Variants in SIPA1L3 observed in about 807,000 individuals in gnomAD.
SIPA1L3 encodes signal induced proliferation associated 1 like 3.
A neutral mutation model predicts 150.1 loss-of-function variants in SIPA1L3; 59 were observed. The observed-to-expected ratio is 0.39, with a 90% CI of 0.32 to 0.49. The LOEUF is 0.49. Among genes scored for constraint, SIPA1L3 ranks in the 20% least tolerant of loss-of-function variants. The probability of loss-of-function intolerance (pLI) is 0.86; values close to 1 mark genes in which losing one functional copy is unlikely to be tolerated. For synonymous variants in SIPA1L3, 1,070 were observed against 1,077.6 expected, an observed-to-expected ratio of 0.99 and a Z score of 0.14; for missense variants, 2,211 against 2,489.5, an observed-to-expected ratio of 0.89 and a Z score of 2.38.
chr19:37,951,234 TC>T (rs770688726), intron 1 of SIPA1L3, among the ~76,000 whole-genome samples: 1 of 152,244 alleles, frequency 6.6e-6, no homozygotes, highest in Non-Finnish European at 1.5e-5. Flanking sequence ...CAGAGATTCT[TC>T]TTAGGAAATA....
chr19:38,040,684 A>C (rs952679017), intron 2 of SIPA1L3, among the ~76,000 whole-genome samples: 1 of 152,212 alleles, frequency 6.6e-6, no homozygotes, highest in Non-Finnish European at 1.5e-5. Flanking sequence ...TCAAAATTCT[A>C]GTTGAAATGC....
chr19:38,022,883 G>A (rs1968408757), intron 1 of SIPA1L3, among the ~76,000 whole-genome samples: 1 of 152,232 alleles, frequency 6.6e-6, no homozygotes, highest in Non-Finnish European at 1.5e-5. Context: ...GTGAAGTGAA[G>A]TTTGTCACTG....
chr19:37,984,093 A>T (rs994373926), intron 1 of SIPA1L3, among the ~76,000 whole-genome samples: 8 of 152,114 alleles, frequency 5.3e-5, no homozygotes, highest in African/African-American at 1.9e-4. Context: ...GAGAACAATG[A>T]GGCACTTTTT....
chr19:38,119,603 T>C lies in SIPA1L3; in HGVS notation c.2589T>C (p.Ala863=). 2.5e-6 allele frequency: 4 copies of C among 1,614,182 alleles called. No individual in the cohort carries two copies. The highest frequency in any genetic ancestry group is 3.4e-6 in the Non-Finnish European group (4 of 1,180,036). The change falls in exon 9 of 22, where the codon GCT becomes GCC. Residue 863 remains alanine, a synonymous_variant. Transcript: ENST00000222345. ...KKEKTKARAG[A]EQHSAGAIAW... ...AAAAGACAAAAGCACGGGCTGGCGC[T>C]GAGCAGCACAGTGCAGGGGCCATCG...
chr19:38,054,556 G>A (rs145040926), intron 2 of SIPA1L3, among the ~76,000 whole-genome samples: 346 of 152,232 alleles, frequency 2.3e-3, no homozygotes, highest in African/African-American at 8.1e-3. Flanking sequence ...CCGAGATCGC[G>A]CCACCGCACT....
intron 10 of SIPA1L3, among the ~76,000 whole-genome samples, chr19:38,131,462 T>C (rs945995838): frequency 7.9e-5 from 12 of 152,134 alleles, no homozygotes; most frequent in Admixed American, 7.9e-4. Context: ...GGGAGGCCCA[T>C]GTGGCTGGAG....
chr19:37,975,309 T>C (rs1967048053), intron 1 of SIPA1L3, among the ~76,000 whole-genome samples: 1 of 152,082 alleles, frequency 6.6e-6, no homozygotes, highest in Non-Finnish European at 1.5e-5. Context: ...AAGGAGGGCT[T>C]CCCGAGGAGG....
chr19:38,142,382 G>A (rs536991800), intron 11 of SIPA1L3, among the ~76,000 whole-genome samples, 191 bp from the exon 12 acceptor site: 111 of 152,264 alleles, frequency 7.3e-4, no homozygotes, highest in Non-Finnish European at 1.2e-3. Flanking sequence ...AGCTTCTCTC[G>A]CCCTGTGCTC....
rs1193095304 is a variant in SIPA1L3, at chr19:38,082,318, G to C, written c.753G>C (p.Met251Ile). 6.3e-6 allele frequency: 10 copies of C among 1,598,616 alleles called. No homozygotes were observed. Among genetic ancestry groups the C allele is most frequent in the Non-Finnish European group, 8.5e-6 (10 of 1,178,962 alleles). Reference sequence around the variant, plus strand: ...GGGCAGATCCTGGCCCACACCTCATGGGGGGCGGCGGCGGAGCCAAGGGGG... The same window carrying C: ...GGGCAGATCCTGGCCCACACCTCATCGGGGGCGGCGGCGGAGCCAAGGGGG... ...LLRADPGPHL[M>I]GGGGGAKGDS... Residue 251 changes from methionine (M) to isoleucine (I), a missense_variant, in exon 3 of 22, where the codon ATG becomes ATC. This residue lies in a region of SIPA1L3 where 587 missense variants were observed against 534.5 expected (regional missense o/e 1.10). Coordinates refer to ENST00000222345, the MANE Select transcript of SIPA1L3 (RefSeq NM_015073.3).
chr19:38,148,936 G>A (rs901399731), intron 12 of SIPA1L3, among the ~76,000 whole-genome samples: 1 of 152,136 alleles, frequency 6.6e-6, no homozygotes, highest in African/African-American at 2.4e-5. Context: ...CTTCTGCCGG[G>A]GATGTTTCCC....
chr19:38,142,830 T>A, intron 12 of SIPA1L3, 120 bp downstream of exon 12: 2 of 1,295,134 alleles, frequency 1.5e-6, no homozygotes, highest in Non-Finnish European at 2.1e-6. Context: ...TCTGGACCCC[T>A]GAAGGTCCTC....
intron 1 of SIPA1L3, among the ~76,000 whole-genome samples, chr19:37,936,846 A>G (rs1185772589): frequency 2.0e-5 from 3 of 152,256 alleles, no homozygotes; most frequent in Non-Finnish European, 4.4e-5. Flanking sequence ...AGAATAAAAC[A>G]TGAAACAAAA....
Position 37,923,318 on chromosome 19 carries a change from C to T in SIPA1L3, c.-379+15960C>T, listed in dbSNP as rs909347321. The stretch of plus-strand genomic sequence containing the variant: ...TGAACCTCATGGAGTGTACTTGCTG[C>T]GAAGCTAGATGGCACAGCCTCCTCC... On this transcript the variant is annotated intron_variant, in intron 1 of 21. Coordinates refer to ENST00000222345, the MANE Select transcript of SIPA1L3 (RefSeq NM_015073.3). 3.3e-5 allele frequency among the ~76,000 whole-genome samples: 5 copies of T among 152,108 alleles called. No homozygotes were observed. The East Asian group carries it at 7.7e-4, about 23-fold the overall frequency.
intron 13 of SIPA1L3, among the ~76,000 whole-genome samples, chr19:38,161,710 G>GAGA (rs1972092501): frequency 1.3e-5 from 2 of 152,048 alleles, no homozygotes; most frequent in South Asian, 4.1e-4. Context: ...CTGAGCGACA[G>GAGA]AGCGAGACCC....
intron 1 of SIPA1L3, among the ~76,000 whole-genome samples, chr19:37,954,055 A>G (rs7254248): frequency 0.33 from 49,993 of 152,052 alleles, 8,714 homozygotes; most frequent in Non-Finnish European, 0.39. Flanking sequence ...GGTCGAATGT[A>G]ATTGAAATAT....
At chr19:37,920,362 A>T (rs2046448484) in intron 1 of SIPA1L3, among the ~76,000 whole-genome samples, 1 of 152,090 alleles carries the variant, frequency 6.6e-6, no homozygotes, top group Admixed American at 6.6e-5. Context: ...CCAACCTAAA[A>T]AGTCCTTATC....
intron 1 of SIPA1L3, among the ~76,000 whole-genome samples, chr19:37,981,519 C>G (rs1967202172): frequency 6.6e-6 from 1 of 152,022 alleles, no homozygotes; most frequent in Non-Finnish European, 1.5e-5. Flanking sequence ...CTTAACCTCT[C>G]TGTACTTGAT....
At chr19:37,973,235 CT>C (rs34272056) in intron 1 of SIPA1L3, among the ~76,000 whole-genome samples, 35,431 of 119,888 alleles carry the variant, frequency 0.3, 5,412 homozygotes, top group East Asian at 0.61. Context: ...AAAAGCGCAT[CT>C]TTTTTTTTTT....
intron 1 of SIPA1L3, among the ~76,000 whole-genome samples, chr19:37,986,588 C>T (rs1967356564): frequency 6.6e-6 from 1 of 152,204 alleles, no homozygotes; most frequent in Non-Finnish European, 1.5e-5. Context: ...GTGGTGCCTC[C>T]ACAAAAGGGA....
Sources: gnomAD v4.1 joint callset for allele counts (sites outside exome capture counted in the v4.1 genomes callset) on GRCh38, gnomAD v4.1.1 for gene constraint, gnomAD v4.1.1 regional missense constraint, MANE v1.5 for transcripts, NCBI Gene and HGNC (gene_info 2026-07-23, HGNC 2026-07-21) for gene names.